EFCAB3: variants seen among roughly 807,000 people sequenced by gnomAD.
EFCAB3 encodes the protein EF-hand calcium-binding domain-containing protein 3.
Under a neutral mutation model 42.2 loss-of-function variants are expected in EFCAB3, and 36 were observed. That is an observed-to-expected ratio of 0.85 (90% CI 0.65 to 1.13). The LOEUF (loss-of-function observed/expected upper bound fraction) is 1.13, where lower values mean the gene tolerates loss of function less well. Ranked by LOEUF, EFCAB3 falls within the 50% of genes most tolerant of loss-of-function variation. The probability of loss-of-function intolerance (pLI) is 0.00; values close to 1 mark genes in which losing one functional copy is unlikely to be tolerated. For missense variants in EFCAB3, 418 were observed against 505.1 expected (o/e 0.83, Z 1.65); for synonymous variants, 170 against 172.8 (o/e 0.98, Z 0.13).
Position 62,391,823 on chromosome 17 carries a change from T to C in EFCAB3, c.153T>C (p.Ala51=). 1 of 1,613,444 alleles carries C rather than the reference T, an allele frequency of 6.2e-7. No individual in the cohort carries two copies. ...EKKLSASQMA[A]FQDAYNFFYK... is the part of the protein sequence containing the mutation. ...AATAACTTAATCCTATCTCCCCAGC[T>C]TTCCAAGATGCCTACAACTTCTTCT... Residue 51 remains alanine (A), a splice_region_variant and synonymous_variant, in exon 4 of 10, where the codon GCT becomes GCC. Transcript: ENST00000305286.
intron 4 of EFCAB3, among the ~76,000 whole-genome samples, chr17:62,393,099 C>T (rs2070318402): frequency 6.6e-6 from 1 of 152,176 alleles, no homozygotes; most frequent in South Asian, 2.1e-4. Flanking sequence ...TTCAGTGTCA[C>T]TTAAGGTGTC....
intron 1 of EFCAB3, among the ~76,000 whole-genome samples, chr17:62,381,441 G>A (rs1340607794): frequency 6.6e-6 from 1 of 152,026 alleles, no homozygotes; most frequent in Non-Finnish European, 1.5e-5. Context: ...AGAGGGGGAA[G>A]CCCTACCAAC....
At chr17:62,407,332 C>A in intron 8 of EFCAB3, 120 bp downstream of exon 8, 2 of 859,758 alleles carry the variant, frequency 2.3e-6, no homozygotes, top group Non-Finnish European at 3.3e-6. Flanking sequence ...AAGCAGATGC[C>A]ATAACCATGT....
intron 6 of EFCAB3, among the ~76,000 whole-genome samples, chr17:62,402,494 C>T (rs1220366484): frequency 2.0e-5 from 3 of 152,094 alleles, no homozygotes; most frequent in Non-Finnish European, 4.4e-5. Flanking sequence ...GAGTTTTTAG[C>T]ATGAAGCGCT....
intron 6 of EFCAB3, among the ~76,000 whole-genome samples, chr17:62,399,438 G>T (rs2144093880): frequency 6.6e-6 from 1 of 151,668 alleles, no homozygotes; most frequent in Admixed American, 6.6e-5. Flanking sequence ...AAAGTGCTAG[G>T]ATTACAGGCG....
At chr17:62,383,743 T>C (rs1209890908) in intron 2 of EFCAB3, among the ~76,000 whole-genome samples, 2 of 152,196 alleles carry the variant, frequency 1.3e-5, no homozygotes, top group Non-Finnish European at 2.9e-5. Flanking sequence ...TACCTTGAGA[T>C]ATTTTGAGTG....
intron 6 of EFCAB3, among the ~76,000 whole-genome samples, chr17:62,399,260 C>T (rs758575908): frequency 6.6e-6 from 1 of 151,892 alleles, no homozygotes. Context: ...CTCAACCTCC[C>T]AGGCTTAAGT....
At chr17:62,408,525 C>T (rs780958627) in intron 8 of EFCAB3, among the ~76,000 whole-genome samples, 1 of 152,120 alleles carries the variant, frequency 6.6e-6, no homozygotes, top group Admixed American at 6.6e-5. Flanking sequence ...CTGAGCCTTC[C>T]AATAATTGTA....
At chr17:62,414,832 G>T (rs904015168) in intron 9 of EFCAB3, among the ~76,000 whole-genome samples, 10 of 152,072 alleles carry the variant, frequency 6.6e-5, no homozygotes, top group Non-Finnish European at 1.3e-4. Context: ...GGCTGGGCAT[G>T]GTGGCTCACA....
intron 5 of EFCAB3, 84 bp from the exon 6 acceptor site, chr17:62,394,984 T>C: frequency 6.6e-7 from 1 of 1,517,730 alleles, no homozygotes; most frequent in Non-Finnish European, 8.9e-7. Flanking sequence ...CTTGATATTA[T>C]TATTGTAAAT....
At chr17:62,404,335 A>C (rs2070430519) in intron 6 of EFCAB3, among the ~76,000 whole-genome samples, 1 of 152,170 alleles carries the variant, frequency 6.6e-6, no homozygotes, top group South Asian at 2.1e-4. Context: ...AACTCTCTAC[A>C]AAAAACTTAA....
chr17:62,373,001 C>T (rs544630986), intron 1 of EFCAB3, among the ~76,000 whole-genome samples: 1 of 152,298 alleles, frequency 6.6e-6, no homozygotes, highest in South Asian at 2.1e-4. Flanking sequence ...AGAGATAGGG[C>T]CAGGCACAGT....
chr17:62,405,160 A>T (rs1184406704), intron 6 of EFCAB3, among the ~76,000 whole-genome samples: 1 of 152,228 alleles, frequency 6.6e-6, no homozygotes, highest in African/African-American at 2.4e-5. Context: ...AGGGAAAGAA[A>T]AACTGAGTCT....
chr17:62,413,319 A>G (rs2070515690), intron 8 of EFCAB3, among the ~76,000 whole-genome samples: 2 of 152,346 alleles, frequency 1.3e-5, no homozygotes, highest in South Asian at 4.1e-4. Flanking sequence ...CTCATTCCTC[A>G]TAAAAGATCC....
At chr17:62,381,443 C>T (rs1270325026) in intron 1 of EFCAB3, among the ~76,000 whole-genome samples, 2 of 152,002 alleles carry the variant, frequency 1.3e-5, no homozygotes, top group Admixed American at 6.6e-5. Context: ...AGGGGGAAGC[C>T]CTACCAACCC....
chr17:62,389,291 G>A (rs541891901), intron 3 of EFCAB3, among the ~76,000 whole-genome samples: 1 of 152,210 alleles, frequency 6.6e-6, no homozygotes, highest in African/African-American at 2.4e-5. Context: ...AAGGCAGGTG[G>A]TTGAGGATAT....
At chr17:62,386,561 A>T (rs952159071) in intron 2 of EFCAB3, among the ~76,000 whole-genome samples, 6 of 152,160 alleles carry the variant, frequency 3.9e-5, no homozygotes. Flanking sequence ...AAAATTTGAA[A>T]CTCAAGGCTG....
Position 62,383,020 on chromosome 17 carries a change from C to T in EFCAB3, c.41C>T (p.Pro14Leu). ...SEIKPKLKLN[P>L]LTKVPISHNK... ...ATTAAACCAAAACTTAAGCTGAATC[C>T]TCTAACAAAAGTACCCATCTCCCAC... Residue 14 changes from proline to leucine, a missense_variant, in exon 2 of 10, where the codon CCT becomes CTT. Pro to Leu is a moderately conservative substitution (Grantham distance 98). Coordinates refer to ENST00000305286, the MANE Select transcript of EFCAB3 (RefSeq NM_173503.4). 6.2e-7 allele frequency: 1 copy of T among 1,613,582 alleles called. No homozygotes were observed. Among genetic ancestry groups the T allele is most frequent in the East Asian group, 2.2e-5 (1 of 44,842 alleles).
intron 3 of EFCAB3, among the ~76,000 whole-genome samples, chr17:62,390,669 GA>G (rs531792063): frequency 2.6e-4 from 40 of 152,264 alleles, no homozygotes; most frequent in African/African-American, 9.1e-4. Flanking sequence ...GAGATAGTGG[GA>G]AAAACAGAAA....
Sources: allele counts gnomAD v4.1 joint callset (sites outside exome capture counted in the v4.1 genomes callset), GRCh38; gene constraint gnomAD v4.1.1; transcripts MANE v1.5; gene names NCBI Gene and HGNC (gene_info 2026-07-23, HGNC 2026-07-21).